The following OGFOD1 variants were observed in gnomAD, a reference collection of about 807,000 sequenced individuals.
OGFOD1 encodes prolyl 3-hydroxylase OGFOD1.
In OGFOD1, 54 loss-of-function variants were observed where a neutral mutation model predicts 67.7. The ratio of observed to expected loss-of-function variants is 0.80; its 90% CI spans 0.64 to 1.00. The LOEUF (loss-of-function observed/expected upper bound fraction) is 1.00. OGFOD1 is among the 50% of genes least tolerant of loss of function. The pLI, the probability that OGFOD1 is intolerant of heterozygous loss-of-function variation, is 0.00. For missense variants in OGFOD1, 606 were observed against 646.7 expected, an observed-to-expected ratio of 0.94 and a Z score of 0.68; for synonymous variants, 221 against 227.0, an observed-to-expected ratio of 0.97 and a Z score of 0.24.
chr16:56,474,402 C>A (rs1331789256), intron 10 of OGFOD1, among the ~76,000 whole-genome samples: 1 of 149,628 alleles, frequency 6.7e-6, no homozygotes, highest in East Asian at 2.0e-4. Context: ...CTTACCACAA[C>A]CTCTGCCACC....
rs1963525106 is a variant in OGFOD1, at chr16:56,477,293, C to G, written c.*1088C>G. ...CCTCCCACTGCCTGTGGCCTTGTTC[C>G]ACCATGACTCTCACAGTACAGTGTA... On this transcript the variant is annotated 3_prime_UTR_variant, in exon 13 of 13. Coordinates refer to ENST00000566157, the MANE Select transcript of OGFOD1 (RefSeq NM_018233.4). 1 of 152,226 alleles carries G rather than the reference C, an allele frequency of 6.6e-6. No homozygotes were observed. The highest frequency in any genetic ancestry group is 2.1e-4 in the South Asian group (1 of 4,832). 9.4% of individuals were successfully genotyped at this position (152,226 alleles called of 1,614,324 possible).
chr16:56,476,246 A>C lies in OGFOD1; in HGVS notation c.*41A>C. On this transcript the variant is annotated 3_prime_UTR_variant, in exon 13 of 13. Coordinates refer to ENST00000566157, the MANE Select transcript of OGFOD1 (RefSeq NM_018233.4). ...CTGAACAAAAATGTGACCCTTCGTA[A>C]TTACTGGGAAGTCTGAAAGAGCTAA... 1 of 1,579,932 alleles carries C rather than the reference A, an allele frequency of 6.3e-7. No homozygotes were observed. The highest frequency in any genetic ancestry group is 8.6e-7 in the Non-Finnish European group (1 of 1,163,324).
At position 56,476,618 on chromosome 16, in the gene OGFOD1, T is replaced by G. The variant is rs898387838; in HGVS notation, c.*413T>G. The G allele has an allele frequency of 3.2e-5, 5 of 153,912 alleles. No homozygotes were observed. The highest frequency in any genetic ancestry group is 6.5e-5 in the Admixed American group (1 of 15,348). 9.5% of individuals were successfully genotyped at this position (153,912 alleles called of 1,614,324 possible). On this transcript the variant is annotated 3_prime_UTR_variant, in exon 13 of 13. Transcript: ENST00000566157. ...CACCATCATCCATCTCCAGAAGTTT[T>G]CCATCTTCCCAAATTCTGTGCCCAT...
rs116571376 is a variant in OGFOD1 at position 56,461,489 on chromosome 16, T to C, written c.348-1045T>C. 5.8e-3 allele frequency among the ~76,000 whole-genome samples: 878 copies of C among 152,336 alleles called. 9 individuals are homozygous for C. The highest frequency in any genetic ancestry group is 0.02 in the African/African-American group (837 of 41,578). ...GGTAATCTAGTAAACAAACTTCTTC[T>C]GAGTTCCGTGAGCTATTCTAGTAAA... On this transcript the variant is annotated intron_variant, in intron 3 of 12. Transcript: ENST00000566157.
rs1199484955 is a variant in OGFOD1 at position 56,476,047 on chromosome 16, C to G, written c.1471C>G (p.Leu491Val). 3.1e-6 allele frequency: 5 copies of G among 1,609,082 alleles called. No individual in the cohort carries two copies. The Admixed American group carries it at 6.8e-5, about 22-fold the overall frequency. Residue 491 changes from leucine to valine, a missense_variant, in exon 13 of 13, where the codon CTA (leucine) becomes GTA (valine). Physicochemically the swap from Leu to Val is conservative, Grantham distance 32. Transcript: ENST00000566157. ...YIAKGEDEEL[L>V]TVNPESNSLA... ...TCACTGTATTTGTCTTTTTCAGCTG[C>G]TAACAGTGAATCCAGAAAGCAATTC...
chr16:56,471,623 A>G lies in OGFOD1; in HGVS notation c.1285+832A>G, dbSNP rs76457341. 3.1e-3 allele frequency among the ~76,000 whole-genome samples: 475 copies of G among 152,348 alleles called. 13 individuals carry two copies. The South Asian group carries it at 0.056, about 18-fold the overall frequency. Reference sequence around the variant, plus strand: ...TCCCTGCTTCCACTCAAATTTCTTGAGAACCCTGTGCAGTTAGGAGAGCAG... The same window carrying G: ...TCCCTGCTTCCACTCAAATTTCTTGGGAACCCTGTGCAGTTAGGAGAGCAG... On this transcript the variant is annotated intron_variant, in intron 10 of 12. Transcript: ENST00000566157.
chr16:56,463,240 C>T (rs1451068728), intron 4 of OGFOD1, among the ~76,000 whole-genome samples: 1 of 151,928 alleles, frequency 6.6e-6, no homozygotes, highest in Non-Finnish European at 1.5e-5. Flanking sequence ...TTAAATTTTA[C>T]TAAATAAAAT....
chr16:56,456,637 G>A (rs11644679), intron 2 of OGFOD1, among the ~76,000 whole-genome samples: 36,258 of 152,068 alleles, frequency 0.24, 4,810 homozygotes, highest in African/African-American at 0.36. Context: ...CAACAGATAC[G>A]ATAGTGGTCC....
intron 2 of OGFOD1, 28 bp downstream of exon 2, chr16:56,453,436 T>C (rs780870179): frequency 3.3e-5 from 53 of 1,597,500 alleles, no homozygotes; most frequent in Non-Finnish European, 4.2e-5. Flanking sequence ...ACATTAACTC[T>C]TCCAGCTTGG....
At chr16:56,463,630 T>C (rs186204755) in intron 4 of OGFOD1, among the ~76,000 whole-genome samples, 6 of 151,772 alleles carry the variant, frequency 4.0e-5, no homozygotes, top group African/African-American at 1.4e-4. Context: ...ACCAGTTGGC[T>C]AGGCTGGTCT....
chr16:56,472,673 T>C (rs1239971386), intron 10 of OGFOD1, among the ~76,000 whole-genome samples: 1 of 152,222 alleles, frequency 6.6e-6, no homozygotes, highest in Non-Finnish European at 1.5e-5. Flanking sequence ...CAAGTGGCCA[T>C]ATTAGCATTT....
chr16:56,454,680 G>A, intron 2 of OGFOD1: 1 of 363,586 alleles, frequency 2.8e-6, no homozygotes, highest in East Asian at 8.5e-5. Flanking sequence ...TTAAAAAGAT[G>A]AAGAATAATT....
rs753298984 is a variant in OGFOD1 at position 56,467,161 on chromosome 16, T to A, written c.658-4T>A. 3.7e-6 allele frequency: 6 copies of A among 1,614,080 alleles called. No homozygotes were observed. Among genetic ancestry groups the A allele is most frequent in the Non-Finnish European group, 4.2e-6 (5 of 1,180,042 alleles). On this transcript the variant is annotated splice_region_variant and splice_polypyrimidine_tract_variant and intron_variant, in intron 6 of 12. Coordinates refer to ENST00000566157, the MANE Select transcript of OGFOD1 (RefSeq NM_018233.4). ...TTGATGTGCTACTGGGCTTCTCCTT[T>A]CAGGTGTCTGAAGTGCTGTCTGAAG...
chr16:56,471,254 C>T (rs1256165603), intron 10 of OGFOD1, among the ~76,000 whole-genome samples: 1 of 151,150 alleles, frequency 6.6e-6, no homozygotes, highest in Non-Finnish European at 1.5e-5. Flanking sequence ...CCAAGCTACT[C>T]AGGAGGCTGA....
rs1963533749 is a variant in OGFOD1 at position 56,477,430 on chromosome 16, C to G, written c.*1225C>G. The G allele has an allele frequency of 6.6e-6, 1 of 152,176 alleles. No individual in the cohort carries two copies. Among genetic ancestry groups the G allele is most frequent in the Non-Finnish European group, 1.5e-5 (1 of 68,050 alleles). 9.4% of individuals were successfully genotyped at this position (152,176 alleles called of 1,614,324 possible). A position where few individuals can be genotyped will look rare whatever the true frequency, so the allele number is the denominator to read the frequency against. ...TGCTTATTGCCATGTGTAGTCACTT[C>G]CAAGTGCCCACTGCCTTTCCATCCT... On this transcript the variant is annotated 3_prime_UTR_variant, in exon 13 of 13. Transcript: ENST00000566157.
chr16:56,453,101 A>C (rs557426615), intron 1 of OGFOD1, among the ~76,000 whole-genome samples, 162 bp from the exon 2 acceptor site: 1 of 152,358 alleles, frequency 6.6e-6, no homozygotes, highest in South Asian at 2.1e-4. Context: ...ATGGGTAAAG[A>C]AGAAAGGTCA....
chr16:56,470,959 TAGA>T (rs1191527983), intron 10 of OGFOD1, among the ~76,000 whole-genome samples, 168 bp downstream of exon 10: 3 of 152,128 alleles, frequency 2.0e-5, no homozygotes, highest in Admixed American at 6.6e-5. Context: ...TACATTCTAG[TAGA>T]AGAAGACAGA....
rs760114774 is a variant in OGFOD1, at chr16:56,451,598, G to C, written c.-15G>C. 1.2e-6 allele frequency: 2 copies of C among 1,613,142 alleles called. No individual in the cohort carries two copies. The highest frequency in any genetic ancestry group is 8.5e-7 in the Non-Finnish European group (1 of 1,179,948). On this transcript the variant is annotated 5_prime_UTR_variant, in exon 1 of 13. Coordinates refer to ENST00000566157, the MANE Select transcript of OGFOD1 (RefSeq NM_018233.4). ...GTCTTGATCTGCGTGGCGTGGTTCT[G>C]TGCCTTGGGAAGAGATGAATGGGAA...
chr16:56,467,408 C>T, intron 7 of OGFOD1, 115 bp downstream of exon 7: 1 of 1,189,268 alleles, frequency 8.4e-7, no homozygotes. Flanking sequence ...TGCCCCTTTC[C>T]ACTTTTCTTT....
Sources: gnomAD v4.1 joint callset for allele counts (sites outside exome capture counted in the v4.1 genomes callset) on GRCh38, gnomAD v4.1.1 for gene constraint, MANE v1.5 for transcripts, NCBI Gene and HGNC (gene_info 2026-07-23, HGNC 2026-07-21) for gene names.